The following GRIK3 variants were observed in gnomAD, a reference collection of about 807,000 sequenced individuals.
The protein encoded by GRIK3 is glutamate ionotropic receptor kainate type subunit 3, also known as glutamate receptor ionotropic, kainate 3.
A neutral mutation model predicts 102.5 loss-of-function variants in GRIK3; 29 were observed. The observed-to-expected ratio is 0.28, with a 90% CI of 0.21 to 0.39. The LOEUF (loss-of-function observed/expected upper bound fraction) is 0.39, where lower values mean the gene tolerates loss of function less well. Among genes scored for constraint, GRIK3 ranks in the 10% least tolerant of loss-of-function variants. GRIK3 has a pLI of 1.00. For missense variants in GRIK3, 908 were observed against 1,252.4 expected, an observed-to-expected ratio of 0.73 and a Z score of 4.15; for synonymous variants, 511 against 504.9, an observed-to-expected ratio of 1.01 and a Z score of -0.16.
chr1:36,918,414 T>C (rs996263370), intron 1 of GRIK3, among the ~76,000 whole-genome samples: 1 of 152,218 alleles, frequency 6.6e-6, no homozygotes, highest in Non-Finnish European at 1.5e-5. Flanking sequence ...AACTGCCACA[T>C]CTTTGCCCAT....
intron 11 of GRIK3, among the ~76,000 whole-genome samples, chr1:36,821,473 C>T (rs992092195): frequency 2.0e-5 from 3 of 152,130 alleles, no homozygotes; most frequent in Admixed American, 1.3e-4. Flanking sequence ...TGTAACTGAG[C>T]GGATGGACCT....
intron 15 of GRIK3, 195 bp downstream of exon 15, chr1:36,804,792 G>C: frequency 1.5e-6 from 1 of 668,256 alleles, no homozygotes; most frequent in Non-Finnish European, 2.5e-6. Context: ...TTGGCCTGGG[G>C]TGGGGCAACG....
At chr1:36,831,334 A>G (rs1640293880) in intron 10 of GRIK3, among the ~76,000 whole-genome samples, 2 of 152,164 alleles carry the variant, frequency 1.3e-5, no homozygotes, top group South Asian at 4.1e-4. Context: ...CTGCTGGTAC[A>G]CCCTTGCCAC....
chr1:36,913,670 C>T (rs1365605730), intron 1 of GRIK3, among the ~76,000 whole-genome samples: 1 of 152,152 alleles, frequency 6.6e-6, no homozygotes, highest in Admixed American at 6.5e-5. Context: ...ACACATCATT[C>T]TCATCAGGTG....
intron 1 of GRIK3, among the ~76,000 whole-genome samples, chr1:37,008,159 G>A (rs1036979896): frequency 9.8e-5 from 15 of 152,324 alleles, no homozygotes; most frequent in African/African-American, 3.1e-4. Context: ...GTGGACTTAC[G>A]GGGTCTCGCA....
At chr1:37,014,179 A>G (rs1234323521) in intron 1 of GRIK3, among the ~76,000 whole-genome samples, 2 of 152,250 alleles carry the variant, frequency 1.3e-5, no homozygotes, top group Non-Finnish European at 2.9e-5. Context: ...TGTAATTAAG[A>G]ACTATGCATT....
chr1:36,909,243 C>G (rs1207688351), intron 1 of GRIK3, among the ~76,000 whole-genome samples: 1 of 151,680 alleles, frequency 6.6e-6, no homozygotes, highest in Admixed American at 6.6e-5. Context: ...TGAAATCGGC[C>G]ATAGTGAGAG....
intron 2 of GRIK3, among the ~76,000 whole-genome samples, chr1:36,881,186 T>A (rs1640972399): frequency 6.6e-6 from 1 of 152,128 alleles, no homozygotes; most frequent in African/African-American, 2.4e-5. Flanking sequence ...GATCACCACA[T>A]TCAATGTTAC....
At chr1:36,977,699 G>A (rs1457173375) in intron 1 of GRIK3, among the ~76,000 whole-genome samples, 2 of 152,234 alleles carry the variant, frequency 1.3e-5, no homozygotes, top group African/African-American at 4.8e-5. Flanking sequence ...CTGCCTTGCT[G>A]AAGAGGGTGG....
At chr1:36,896,168 A>G (rs1487038517) in intron 1 of GRIK3, among the ~76,000 whole-genome samples, 1 of 152,138 alleles carries the variant, frequency 6.6e-6, no homozygotes, top group Non-Finnish European at 1.5e-5. Context: ...TAGGTCAAAA[A>G]CTTCAATCTA....
intron 1 of GRIK3, among the ~76,000 whole-genome samples, chr1:36,991,665 C>T (rs1460034701): frequency 1.3e-5 from 2 of 152,254 alleles, no homozygotes; most frequent in Non-Finnish European, 2.9e-5. Flanking sequence ...TCCCAGGAAC[C>T]TCACATTCCC....
intron 1 of GRIK3, among the ~76,000 whole-genome samples, chr1:36,979,157 C>G (rs1373476444): frequency 1.3e-5 from 2 of 152,218 alleles, no homozygotes. Flanking sequence ...ATGGTATCCA[C>G]CTCCAATTTA....
At chr1:37,015,199 C>T (rs1019726682) in intron 1 of GRIK3, among the ~76,000 whole-genome samples, 1 of 152,120 alleles carries the variant, frequency 6.6e-6, no homozygotes, top group African/African-American at 2.4e-5. Context: ...AAAGCCACAT[C>T]TCCCTGGAGA....
chr1:36,996,957 C>T (rs775506706), intron 1 of GRIK3, among the ~76,000 whole-genome samples: 19 of 152,128 alleles, frequency 1.2e-4, no homozygotes, highest in Admixed American at 7.9e-4. Context: ...AGGGATGCTG[C>T]GAAGCATTCT....
At chr1:36,874,177 C>T (rs771993378) in intron 3 of GRIK3, among the ~76,000 whole-genome samples, 7 of 152,172 alleles carry the variant, frequency 4.6e-5, no homozygotes, top group Admixed American at 6.5e-5. Context: ...AAAAGCCTTC[C>T]GGCAGAGAAT....
intron 1 of GRIK3, among the ~76,000 whole-genome samples, chr1:37,027,363 T>C (rs1239413436): frequency 6.6e-6 from 1 of 151,790 alleles, no homozygotes; most frequent in Non-Finnish European, 1.5e-5. Context: ...CAAATCATGC[T>C]CAATTAGGAT....
intron 7 of GRIK3, among the ~76,000 whole-genome samples, chr1:36,858,150 T>C (rs1488426600): frequency 6.6e-6 from 1 of 152,228 alleles, no homozygotes; most frequent in East Asian, 1.9e-4. Flanking sequence ...AGGATGACTC[T>C]GCCTAGATCT....
chr1:36,903,699 C>T (rs899073037), intron 1 of GRIK3, among the ~76,000 whole-genome samples: 8 of 152,070 alleles, frequency 5.3e-5, no homozygotes, highest in Non-Finnish European at 1.0e-4. Context: ...TATCACTAAG[C>T]GAATGAAGCC....
chr1:36,919,444 A>G (rs1641443154), intron 1 of GRIK3, among the ~76,000 whole-genome samples: 1 of 152,038 alleles, frequency 6.6e-6, no homozygotes, highest in African/African-American at 2.4e-5. Flanking sequence ...ATATGTATAC[A>G]TGTGCCATGC....
Sources: gnomAD v4.1 joint callset for allele counts (sites outside exome capture counted in the v4.1 genomes callset) on GRCh38, gnomAD v4.1.1 for gene constraint, MANE v1.5 for transcripts, NCBI Gene and HGNC (gene_info 2026-07-23, HGNC 2026-07-21) for gene names.